Variants in ZNF420 observed in about 807,000 individuals in gnomAD.
ZNF420 encodes the protein zinc finger protein 420.
Under a neutral mutation model 44.7 loss-of-function variants are expected in ZNF420, and 31 were observed. The observed-to-expected ratio is 0.69, with a 90% CI of 0.52 to 0.94. The LOEUF is 0.94. Ranked by LOEUF, ZNF420 falls within the 40% of genes least tolerant of loss-of-function variation. The pLI, the probability that ZNF420 is intolerant of heterozygous loss-of-function variation, is 0.00. For missense variants in ZNF420, 681 were observed against 827.9 expected, an observed-to-expected ratio of 0.82 and a Z score of 2.18; for synonymous variants, 245 against 267.4, an observed-to-expected ratio of 0.92 and a Z score of 0.82.
At chr19:37,075,617 C>T (rs886934385), upstream of ZNF420, among the ~76,000 whole-genome samples, 10 of 152,086 alleles carry the variant, frequency 6.6e-5, no homozygotes, top group African/African-American at 2.2e-4. Context: ...TGGCAGGCGC[C>T]TGTAATCCCA....
intron 4 of ZNF420, among the ~76,000 whole-genome samples, chr19:37,104,250 T>G (rs887375642): frequency 3.8e-4 from 58 of 151,966 alleles, no homozygotes; most frequent in Non-Finnish European, 7.6e-4. Context: ...TGTTTTTTTG[T>G]CCTTGAGATA....
At chr19:37,113,466 C>T (rs1426630149) in intron 4 of ZNF420, among the ~76,000 whole-genome samples, 1 of 152,140 alleles carries the variant, frequency 6.6e-6, no homozygotes, top group East Asian at 1.9e-4. Context: ...CCACTGGGAC[C>T]TTTCCTTTTA....
At chr19:37,111,524 A>G (rs1970385544) in intron 4 of ZNF420, 1 of 152,222 alleles carries the variant, frequency 6.6e-6, no homozygotes, top group South Asian at 2.1e-4. Flanking sequence ...ACCAGATGCT[A>G]TTGCCAGTCC....
chr19:37,083,010 G>A (rs945694191), intron 2 of ZNF420, among the ~76,000 whole-genome samples: 6 of 150,988 alleles, frequency 4.0e-5, no homozygotes, highest in Admixed American at 1.3e-4. Context: ...ACAGGCACGC[G>A]CCACCATGCC....
chr19:37,067,004 AT>A (rs2146449094), intron 1 of ZNF420, among the ~76,000 whole-genome samples: 1 of 152,344 alleles, frequency 6.6e-6, no homozygotes. Context: ...ACATGGATAC[AT>A]TTTTAAAACA....
rs184366172 is a variant in ZNF420, at chr19:37,063,511, G to A, written c.-124-16834G>A. Among the ~76,000 whole-genome samples the A allele has an allele frequency of 4.4e-4, 67 of 152,092 alleles. No individual in the cohort carries two copies. The East Asian group carries it at 7.9e-3, about 18-fold the overall frequency. Reference sequence around the variant, plus strand: ...ACTTGCATAAGTGCCTTTGTTTCTCGCTTCTGTAGTATGCTTCCCCCTGCA... The same window carrying A: ...ACTTGCATAAGTGCCTTTGTTTCTCACTTCTGTAGTATGCTTCCCCCTGCA... On this transcript the variant is annotated intron_variant, in intron 1 of 4. Transcript: ENST00000587029.
chr19:37,126,391 A>C, intron 4 of ZNF420, among the ~76,000 whole-genome samples: 1 of 152,182 alleles, frequency 6.6e-6, no homozygotes. Flanking sequence ...CTGGCAAATA[A>C]GGAGCGAAGC....
At chr19:37,026,173 G>A (rs116101366) in intron 1 of ZNF420, among the ~76,000 whole-genome samples, 3,657 of 151,708 alleles carry the variant, frequency 0.024, 161 homozygotes, top group African/African-American at 0.083. Context: ...TTAGCTGGCG[G>A]GGGTGGGGTT....
intron 1 of ZNF420, among the ~76,000 whole-genome samples, chr19:37,070,375 T>C (rs535050758): frequency 6.6e-6 from 1 of 152,270 alleles, no homozygotes; most frequent in South Asian, 2.1e-4. Flanking sequence ...TAGAGAAGGA[T>C]TTCTTAAAAT....
intron 1 of ZNF420, among the ~76,000 whole-genome samples, chr19:37,055,550 G>A (rs756708803): frequency 6.6e-6 from 1 of 152,180 alleles, no homozygotes; most frequent in Non-Finnish European, 1.5e-5. Flanking sequence ...ACGCAGAGCC[G>A]AAACCGTTTA....
At chr19:37,072,469 A>G (rs918875956) in intron 1 of ZNF420, among the ~76,000 whole-genome samples, 4 of 152,202 alleles carry the variant, frequency 2.6e-5, no homozygotes, top group African/African-American at 9.7e-5. Context: ...GTAAATTTTA[A>G]TTTGGGGGAG....
chr19:37,037,129 T>C (rs114069156), intron 1 of ZNF420, among the ~76,000 whole-genome samples: 1,643 of 143,912 alleles, frequency 0.011, 38 homozygotes, highest in African/African-American at 0.041. Context: ...CAGCAGAGTC[T>C]TGGGCACCAT....
At chr19:37,057,068 C>T (rs1377851319) in intron 1 of ZNF420, among the ~76,000 whole-genome samples, 2 of 152,332 alleles carry the variant, frequency 1.3e-5, no homozygotes, top group East Asian at 3.9e-4. Context: ...TAACCACTCC[C>T]TGAGGCTTGG....
At chr19:37,026,076 G>A (rs899694522) in intron 1 of ZNF420, among the ~76,000 whole-genome samples, 15 of 152,118 alleles carry the variant, frequency 9.9e-5, no homozygotes, top group Admixed American at 3.9e-4. Flanking sequence ...CACTTTGGGA[G>A]GCAGAGGCGG....
At chr19:37,065,111 C>T (rs1967946135) in intron 1 of ZNF420, among the ~76,000 whole-genome samples, 1 of 152,116 alleles carries the variant, frequency 6.6e-6, no homozygotes, top group Admixed American at 6.5e-5. Flanking sequence ...TAATGGAGAG[C>T]AGATTCTTTT....
At chr19:37,105,220 T>G (rs2146625374) in intron 4 of ZNF420, among the ~76,000 whole-genome samples, 1 of 152,374 alleles carries the variant, frequency 6.6e-6, no homozygotes, top group East Asian at 1.9e-4. Context: ...TACATATGGC[T>G]AGCCAGTTTT....
chr19:37,104,634 C>T lies in ZNF420; in HGVS notation c.136+13513C>T, dbSNP rs528707632. 3.3e-5 allele frequency among the ~76,000 whole-genome samples: 5 copies of T among 152,310 alleles called. No homozygotes were observed. The South Asian group carries it at 1.0e-3, about 32-fold the overall frequency. On this transcript the variant is annotated intron_variant, in intron 4 of 4. Coordinates refer to ENST00000337995, the MANE Select transcript of ZNF420 (RefSeq NM_144689.5). ...AAAAGTGTTCCTGTTTCTCCACATCCTCTCCAGCACCTGTTGTTTCCTGAC... is the reference window on the plus strand; with the variant it reads ...AAAAGTGTTCCTGTTTCTCCACATCTTCTCCAGCACCTGTTGTTTCCTGAC...
Position 37,042,976 on chromosome 19 carries a change from GAA to G in ZNF420, c.-125+34896_-125+34897del, listed in dbSNP as rs138729256. Among the ~76,000 whole-genome samples the G allele has an allele frequency of 8.7e-3, 1,320 of 152,242 alleles. 20 individuals are homozygous for G. Among genetic ancestry groups the G allele is most frequent in the African/African-American group, 0.031 (1,273 of 41,528 alleles). On this transcript the variant is annotated intron_variant, in intron 1 of 4. Coordinates refer to the ZNF420 transcript ENST00000587029. Reference sequence around the variant, plus strand: ...AGAGAGAGCCAAGGAGAGAGAGAGAGAAATGGCTGGCCAGGGGAGCAGTCAGA... The same window carrying G: ...AGAGAGAGCCAAGGAGAGAGAGAGAGATGGCTGGCCAGGGGAGCAGTCAGA...
At chr19:37,032,492 AGACTCG>A (rs1967279418) in intron 1 of ZNF420, among the ~76,000 whole-genome samples, 1 of 142,454 alleles carries the variant, frequency 7.0e-6, no homozygotes, top group Admixed American at 7.2e-5. Flanking sequence ...CAGCAGAGTG[AGACTCG>A]GTCTTTAAGA....
Sources: allele counts gnomAD v4.1 joint callset (sites outside exome capture counted in the v4.1 genomes callset), GRCh38; gene constraint gnomAD v4.1.1; transcripts MANE v1.5; gene names NCBI Gene and HGNC (gene_info 2026-07-23, HGNC 2026-07-21).